ADAMTS10: variants seen among roughly 807,000 people sequenced by gnomAD.
ADAMTS10 encodes the protein ADAM metallopeptidase with thrombospondin type 1 motif 10.
ADAMTS10 carries 48 observed loss-of-function variants against 135.9 expected under a neutral mutation model. That is an observed-to-expected ratio of 0.35 (90% confidence interval 0.28 to 0.45). ADAMTS10 has a LOEUF of 0.45. Among genes scored for constraint, ADAMTS10 ranks in the 20% least tolerant of loss-of-function variants. The pLI, the probability that ADAMTS10 is intolerant of heterozygous loss-of-function variation, is 1.00. For missense variants in ADAMTS10, 1,131 were observed against 1,565.2 expected (o/e 0.72, Z 4.68); for synonymous variants, 621 against 647.5 (o/e 0.96, Z 0.62).
intron 2 of ADAMTS10, among the ~76,000 whole-genome samples, chr19:8,607,484 A>T (rs2042733279): frequency 6.6e-6 from 1 of 151,890 alleles, no homozygotes. Context: ...TTGGGCCACC[A>T]CCCTGTGCCA....
Position 8,586,044 on chromosome 19 carries a change from C to G in ADAMTS10, c.2660+78G>C, listed in dbSNP as rs1201576840. ...ACTCTGCACTAATCTGCTCCCCACCCCCCTGGAGCACTCGCTCTTGACTCC... is the reference window on the plus strand; with the variant it reads ...ACTCTGCACTAATCTGCTCCCCACCGCCCTGGAGCACTCGCTCTTGACTCC... On this transcript the variant is annotated intron_variant, in intron 22 of 25. Coordinates refer to ENST00000597188, the MANE Select transcript of ADAMTS10 (RefSeq NM_030957.4). The G allele has an allele frequency of 1.6e-5, 26 of 1,605,728 alleles. No individual in the cohort carries two copies. The African/African-American group carries it at 3.2e-4, about 20-fold the overall frequency.
At chr19:8,581,835 A>C (rs1304383207) in intron 25 of ADAMTS10, among the ~76,000 whole-genome samples, 3 of 149,806 alleles carry the variant, frequency 2.0e-5, no homozygotes, top group Non-Finnish European at 4.4e-5. Flanking sequence ...ACTCTGTCAC[A>C]AAACAAAACA....
chr19:8,582,732 C>A (rs2042370667), intron 25 of ADAMTS10: 2 of 151,416 alleles, frequency 1.3e-5, no homozygotes, highest in South Asian at 4.2e-4. Context: ...TCACTGCAAC[C>A]TCCACCTCCT....
rs1555739445 is a variant in ADAMTS10 at position 8,592,838 on chromosome 19, C to T, written c.1512G>A (p.Lys504=). Residue 504 remains lysine (K), a synonymous_variant, in exon 13 of 26, where the codon AAG becomes AAA. Coordinates refer to ENST00000597188, the MANE Select transcript of ADAMTS10 (RefSeq NM_030957.4). ...TGCTGTTGGTGATGCACCGGTTGCT[C>T]TTGCTCAGACACCACAGCTCGCTGC... ...EVCSELWCLS[K]SNRCITNSIP... 6.2e-7 allele frequency: 1 copy of T among 1,612,818 alleles called. No individual in the cohort carries two copies. Among genetic ancestry groups the T allele is most frequent in the Non-Finnish European group, 8.5e-7 (1 of 1,179,868 alleles).
intron 12 of ADAMTS10, 97 bp from the exon 13 acceptor site, chr19:8,592,967 G>T: frequency 8.6e-6 from 10 of 1,160,612 alleles, no homozygotes; most frequent in Non-Finnish European, 1.1e-5. Flanking sequence ...GCTCACTGCC[G>T]GTCCCAGAGC....
rs2042690972 is a variant in ADAMTS10, at chr19:8,603,767, G to A, written c.553C>T (p.Leu185=). The stretch of plus-strand genomic sequence containing the variant: ...GCTGTGTCCAGGTGGGGGTGACGCA[G>A]AGAGGAACGCTTGTACACCACATGT... The part of the protein sequence containing the change: ...GPHVVYKRSS[L]RHPHLDTACG... Residue 185 remains leucine, a synonymous_variant, in exon 5 of 26, where the codon CTG becomes TTG. Transcript: ENST00000597188. 1 of 1,614,154 alleles carries A rather than the reference G, an allele frequency of 6.2e-7. No homozygotes were observed. The highest frequency in any genetic ancestry group is 1.7e-5 in the Admixed American group (1 of 60,016).
rs782028021 is a variant in ADAMTS10, at chr19:8,589,236, T to C, written c.2158+6A>G. ...GGAGTGTGGGAGGGAAGCTGGAGACTCTCACCGGCCCCAGGTGAGGCTGGG... is the reference window on the plus strand; with the variant it reads ...GGAGTGTGGGAGGGAAGCTGGAGACCCTCACCGGCCCCAGGTGAGGCTGGG... On this transcript the variant is annotated splice_donor_region_variant and intron_variant, in intron 18 of 25. Coordinates refer to ENST00000597188, the MANE Select transcript of ADAMTS10 (RefSeq NM_030957.4). The C allele has an allele frequency of 3.1e-6, 5 of 1,612,450 alleles. No homozygotes were observed. The highest frequency in any genetic ancestry group is 3.4e-6 in the Non-Finnish European group (4 of 1,179,918).
Position 8,601,704 on chromosome 19 carries a change from C to CT in ADAMTS10, c.593-560dup, listed in dbSNP as rs1307534183. Among the ~76,000 whole-genome samples, 25 of 151,982 alleles carry CT rather than the reference C, an allele frequency of 1.6e-4. No individual in the cohort carries two copies. The highest frequency in any genetic ancestry group is 5.8e-4 in the African/African-American group (24 of 41,462). On this transcript the variant is annotated intron_variant, in intron 5 of 25. Coordinates refer to ENST00000597188, the MANE Select transcript of ADAMTS10 (RefSeq NM_030957.4). The surrounding 1 kb of genome is among the most constrained non-coding windows in gnomAD (Gnocchi z 4.6). ...ATAGGGCATCTTGGCGGTACCATCT[C>CT]TTTTTTTTGTCAGTGTCCTACTACC...
chr19:8,591,281 G>A (rs922103660), intron 15 of ADAMTS10, among the ~76,000 whole-genome samples: 8 of 151,732 alleles, frequency 5.3e-5, no homozygotes, highest in African/African-American at 1.5e-4. Flanking sequence ...TAGTCTAAAT[G>A]TAGGAGGAAA....
At position 8,601,252 on chromosome 19, in the gene ADAMTS10, T is replaced by C. The variant is rs184069147; in HGVS notation, c.593-107A>G. 1.2e-4 allele frequency: 147 copies of C among 1,250,388 alleles called. No homozygotes were observed. The highest frequency in any genetic ancestry group is 2.9e-4 in the Admixed American group (15 of 50,924). 77.5% of individuals were successfully genotyped at this position (1,250,388 alleles called of 1,614,324 possible). On this transcript the variant is annotated intron_variant, in intron 5 of 25. Transcript: ENST00000597188. The surrounding 1 kb of genome is among the most constrained non-coding windows in gnomAD (Gnocchi z 4.6). ...GACTGGCTACCTCTCTACCCAACAG[T>C]CTGGACAGACAATTTCTGGTCATTC...
rs1555736606 is a variant in ADAMTS10, at chr19:8,585,226, G to A, written c.2948C>T (p.Ala983Val). 1.4e-6 allele frequency: 2 copies of A among 1,453,340 alleles called. No homozygotes were observed. Among genetic ancestry groups the A allele is most frequent in the South Asian group, 2.7e-5 (2 of 72,804 alleles). 90.0% of individuals were successfully genotyped at this position (1,453,340 alleles called of 1,614,324 possible). The change falls in exon 24 of 26, where the codon GCG becomes GTG. Residue 983 changes from alanine to valine, a missense_variant. Coordinates refer to ENST00000597188, the MANE Select transcript of ADAMTS10 (RefSeq NM_030957.4). ...TGGCTTGGCGGCGGGTGAGCAGTGC[G>A]CCGGGGGCAGCGTGGCGCGGTGGTC... ...SADHRATLPP[A>V]HCSPAAKPPA... is the part of the protein sequence containing the mutation.
rs549921979 is a variant in ADAMTS10 at position 8,588,777 on chromosome 19, G to A, written c.2158+465C>T. 2.6e-5 allele frequency among the ~76,000 whole-genome samples: 4 copies of A among 151,898 alleles called. No individual in the cohort carries two copies. The South Asian group carries it at 8.4e-4, about 32-fold the overall frequency. On this transcript the variant is annotated intron_variant, in intron 18 of 25. Coordinates refer to ENST00000597188, the MANE Select transcript of ADAMTS10 (RefSeq NM_030957.4). ...CCAGGAGGCAGAGGAGACAGATTCG[G>A]GCTCCTGTCTCCTGAGACACTCTTT...
chr19:8,603,960 G>T, intron 4 of ADAMTS10, 76 bp from the exon 5 acceptor site: 3 of 1,417,338 alleles, frequency 2.1e-6, no homozygotes, highest in South Asian at 3.0e-5. Flanking sequence ...CCTTCTCTCT[G>T]TCTTTATGAT....
At chr19:8,595,661 C>T (rs928851965) in intron 12 of ADAMTS10, 101 bp downstream of exon 12, 3 of 1,566,080 alleles carry the variant, frequency 1.9e-6, no homozygotes, top group African/African-American at 2.7e-5. Flanking sequence ...CCGGTTCTCC[C>T]ACCCCCTCAC....
At position 8,585,474 on chromosome 19, in the gene ADAMTS10, C is replaced by A. The variant is rs1347549285; in HGVS notation, c.2847G>T (p.Ala949=). The A allele has an allele frequency of 1.3e-6, 2 of 1,535,960 alleles. No homozygotes were observed. The highest frequency in any genetic ancestry group is 1.8e-6 in the Non-Finnish European group (2 of 1,139,478). ...GGCTGACCTCAGACCAGTCGAGGGC[C>A]GCCCACTCCGGAGGGCAAGTGGGGC... The part of the protein sequence containing the change: ...CHGPTCPPEW[A]ALDWSECTPS... The change falls in exon 23 of 26, where the codon GCG becomes GCT. Residue 949 remains alanine (A), a synonymous_variant. Coordinates refer to ENST00000597188, the MANE Select transcript of ADAMTS10 (RefSeq NM_030957.4).
chr19:8,606,569 A>G (rs11259992), intron 2 of ADAMTS10, among the ~76,000 whole-genome samples: 26,205 of 151,938 alleles, frequency 0.17, 2,396 homozygotes, highest in African/African-American at 0.22. Flanking sequence ...GCCCAGCTAC[A>G]TTTTTGTATT....
At chr19:8,606,592 G>A (rs1448366376) in intron 2 of ADAMTS10, among the ~76,000 whole-genome samples, 1 of 152,076 alleles carries the variant, frequency 6.6e-6, no homozygotes, top group African/African-American at 2.4e-5. Flanking sequence ...TAGTAGAGAT[G>A]GGGTTTCACC....
At chr19:8,595,715 G>T in intron 12 of ADAMTS10, 47 bp downstream of exon 12, 3 of 844,028 alleles carry the variant, frequency 3.6e-6, no homozygotes, top group Non-Finnish European at 5.5e-6. Flanking sequence ...CCCAGCCCCA[G>T]CGGCCCCCTC....
At chr19:8,602,482 C>G (rs1181069302) in intron 5 of ADAMTS10, among the ~76,000 whole-genome samples, 3 of 152,014 alleles carry the variant, frequency 2.0e-5, no homozygotes, top group African/African-American at 7.2e-5. Context: ...CCACGCCTGG[C>G]TAACTTTTTT....
Sources: gnomAD v4.1 joint callset for allele counts (sites outside exome capture counted in the v4.1 genomes callset) on GRCh38, gnomAD v4.1.1 for gene constraint, Gnocchi (gnomAD v3.1) non-coding constraint, MANE v1.5 for transcripts, NCBI Gene and HGNC (gene_info 2026-07-23, HGNC 2026-07-21) for gene names.